The following CLSTN1 variants were observed in gnomAD, a reference collection of about 807,000 sequenced individuals.
CLSTN1 encodes calsyntenin 1.
Under a neutral mutation model 108.3 loss-of-function variants are expected in CLSTN1, and 28 were observed. The ratio of observed to expected loss-of-function variants is 0.26; its 90% CI spans 0.19 to 0.35. The LOEUF (loss-of-function observed/expected upper bound fraction) is 0.35. Ranked by LOEUF, CLSTN1 falls within the 10% of genes least tolerant of loss-of-function variation. CLSTN1 has a pLI of 1.00. For missense variants in CLSTN1, 1,157 were observed against 1,302.6 expected, an observed-to-expected ratio of 0.89 and a Z score of 1.72; for synonymous variants, 524 against 534.9, an observed-to-expected ratio of 0.98 and a Z score of 0.28.
chr1:9,788,962 C>T (rs981232785), intron 1 of CLSTN1, among the ~76,000 whole-genome samples: 2 of 151,036 alleles, frequency 1.3e-5, no homozygotes, highest in Non-Finnish European at 2.9e-5. Flanking sequence ...TAACTGGCTT[C>T]ATTAGCATAA....
intron 2 of CLSTN1, among the ~76,000 whole-genome samples, chr1:9,766,677 T>C (rs919728721): frequency 6.6e-6 from 1 of 152,056 alleles, no homozygotes; most frequent in African/African-American, 2.4e-5. Context: ...AATAGATAAA[T>C]AATAAAATAC....
intron 1 of CLSTN1, among the ~76,000 whole-genome samples, chr1:9,816,292 T>A (rs1654967243): frequency 1.3e-5 from 2 of 152,238 alleles, no homozygotes; most frequent in South Asian, 2.1e-4. Context: ...ATGTGAAATG[T>A]CCAAAATAAG....
rs199876158 is a variant in CLSTN1, at chr1:9,735,969, C to T, written c.1650G>A (p.Ala550=). The part of the protein sequence containing the change: ...AGLTLRSGKL[A]DKKVIDCLYT... ...ACAGACAGTCGATCACCTTCTTATC[C>T]GCGAGTTTCCCGGAACGGAGAGTTA... Residue 550 remains alanine, a synonymous_variant, in exon 12 of 19, where the codon GCG becomes GCA. Coordinates refer to ENST00000377298, the MANE Select transcript of CLSTN1 (RefSeq NM_001009566.3). 2.0e-5 allele frequency: 32 copies of T among 1,614,046 alleles called. No individual in the cohort carries two copies. The highest frequency in any genetic ancestry group is 2.7e-5 in the African/African-American group (2 of 74,922).
chr1:9,732,751 G>A (rs1040118464), intron 16 of CLSTN1, among the ~76,000 whole-genome samples: 5 of 152,222 alleles, frequency 3.3e-5, no homozygotes, highest in Admixed American at 3.3e-4. Context: ...ACCAGCGCCA[G>A]CCTCAGCAGC....
In CLSTN1 at chr1:9,730,307, T is replaced by C. The variant is rs1650282225; in HGVS notation, c.*201A>G. The C allele has an allele frequency of 1.6e-6, 1 of 620,724 alleles. No individual in the cohort carries two copies. Among genetic ancestry groups the C allele is most frequent in the African/African-American group, 1.8e-5 (1 of 54,836 alleles). The allele number at this position is 620,724 out of a possible 1,614,324, so 38.5% of individuals were successfully genotyped here. ...CCAGAGAGGACGTGTCAGCTCCTCGTGGGACTGAAGAGCGCGACCAGGCAG... is the reference window on the plus strand; with the variant it reads ...CCAGAGAGGACGTGTCAGCTCCTCGCGGGACTGAAGAGCGCGACCAGGCAG... On this transcript the variant is annotated 3_prime_UTR_variant, in exon 19 of 19. Transcript: ENST00000377298. This position sits in a 1 kb window ranked among gnomAD's most constrained non-coding sequence, Gnocchi z 5.6.
intron 2 of CLSTN1, among the ~76,000 whole-genome samples, chr1:9,760,892 C>T (rs1570462128): frequency 6.6e-6 from 1 of 151,852 alleles, no homozygotes; most frequent in African/African-American, 2.4e-5. Context: ...CTCCACCACT[C>T]GCTATCCTAA....
rs78212277 is a variant in CLSTN1 at position 9,748,423 on chromosome 1, T to C, written c.985+1038A>G. Among the ~76,000 whole-genome samples, 844 of 152,374 alleles carry C rather than the reference T, an allele frequency of 5.5e-3. 1 individual carries two copies. The highest frequency in any genetic ancestry group is 9.7e-3 in the Non-Finnish European group (657 of 68,040). On this transcript the variant is annotated intron_variant, in intron 7 of 18. Coordinates refer to ENST00000377298, the MANE Select transcript of CLSTN1 (RefSeq NM_001009566.3). ...AAATCTATTGAGATTCTAAGTTAGATGTGGCTATCTTTAGTTCTGATTTTC... is the reference window on the plus strand; with the variant it reads ...AAATCTATTGAGATTCTAAGTTAGACGTGGCTATCTTTAGTTCTGATTTTC...
intron 1 of CLSTN1, among the ~76,000 whole-genome samples, chr1:9,814,146 A>G (rs898678482): frequency 2.0e-5 from 3 of 150,730 alleles, no homozygotes; most frequent in Non-Finnish European, 3.0e-5. Flanking sequence ...ATGGTGGCTC[A>G]TGCTTGTAAT....
intron 2 of CLSTN1, among the ~76,000 whole-genome samples, chr1:9,758,437 C>T (rs920360704): frequency 6.6e-6 from 1 of 152,110 alleles, no homozygotes; most frequent in Non-Finnish European, 1.5e-5. Flanking sequence ...CCTCAGCCTC[C>T]CAAGCAGCTG....
Position 9,744,630 on chromosome 1 carries a change from G to T in CLSTN1, c.999C>A (p.Gly333=). Residue 333 remains glycine, a synonymous_variant, in exon 8 of 19, where the codon GGC becomes GGA. Coordinates refer to ENST00000377298, the MANE Select transcript of CLSTN1 (RefSeq NM_001009566.3). ...TCGGGGATGGCAGCAGCTCGGCAGT[G>T]CCCGCGGCCGCACCTGAAGCCACAG... ...SLHRLCGAAA[G]TAELLPSPSG... The T allele has an allele frequency of 6.2e-7, 1 of 1,609,600 alleles. No homozygotes were observed. Among genetic ancestry groups the T allele is most frequent in the Non-Finnish European group, 8.5e-7 (1 of 1,179,414 alleles).
At chr1:9,786,645 T>G (rs1312519719) in intron 1 of CLSTN1, among the ~76,000 whole-genome samples, 4 of 88,844 alleles carry the variant, frequency 4.5e-5, no homozygotes, top group Non-Finnish European at 7.5e-5. Context: ...TGAGACTCCG[T>G]CTCAAAAAAA....
At chr1:9,778,002 C>T (rs1234970627) in intron 1 of CLSTN1, among the ~76,000 whole-genome samples, 3 of 152,008 alleles carry the variant, frequency 2.0e-5, no homozygotes, top group Non-Finnish European at 4.4e-5. Context: ...GCACTGGAGC[C>T]CAGTGCCCAA....
At chr1:9,773,515 T>C (rs1254689050) in intron 1 of CLSTN1, 121 bp from the exon 2 acceptor site, 14 of 1,097,128 alleles carry the variant, frequency 1.3e-5, no homozygotes, top group Non-Finnish European at 8.7e-6. Flanking sequence ...TTGAAGACAG[T>C]GCTCACAGTT....
chr1:9,777,217 CAAAA>C (rs1183664020), intron 1 of CLSTN1, among the ~76,000 whole-genome samples: 2 of 51,168 alleles, frequency 3.9e-5, no homozygotes, highest in Non-Finnish European at 7.6e-5. Context: ...GAGACTGTCT[CAAAA>C]AAAAAAAAAA....
intron 10 of CLSTN1, among the ~76,000 whole-genome samples, chr1:9,740,584 G>C (rs992653407): frequency 1.3e-5 from 2 of 152,160 alleles, no homozygotes; most frequent in African/African-American, 4.8e-5. Context: ...TCCCCTCTCA[G>C]CAGAGACTTC....
intron 5 of CLSTN1, among the ~76,000 whole-genome samples, chr1:9,750,715 C>CAAAAAAAAAAAAAAAAAAA: frequency 1.3e-5 from 1 of 77,168 alleles, no homozygotes; most frequent in Non-Finnish European, 2.9e-5. Context: ...TTCCCTCAAA[C>CAAAAAAAAAAAAAAAAAAA]AAAAAAAAAA....
rs1650574857 is a variant in CLSTN1 at position 9,734,472 on chromosome 1, G to A, written c.2111-330C>T. The stretch of plus-strand genomic sequence containing the variant: ...TCCCTGTAATCCCAGCTATTCGGGA[G>A]GCTGAGGCAGGAGAATCGCTTGAAC... On this transcript the variant is annotated intron_variant, in intron 14 of 18. Coordinates refer to ENST00000377298, the MANE Select transcript of CLSTN1 (RefSeq NM_001009566.3). The surrounding 1 kb of genome is among the most constrained non-coding windows in gnomAD (Gnocchi z 4.8). Among the ~76,000 whole-genome samples, 3 of 152,024 alleles carry A rather than the reference G, an allele frequency of 2.0e-5. No individual in the cohort carries two copies. Among genetic ancestry groups the A allele is most frequent in the Non-Finnish European group, 4.4e-5 (3 of 68,022 alleles).
chr1:9,762,613 C>A (rs544626429), intron 2 of CLSTN1, among the ~76,000 whole-genome samples: 1 of 150,990 alleles, frequency 6.6e-6, no homozygotes, highest in Non-Finnish European at 1.5e-5. Context: ...GGCCTTGGTG[C>A]CCGCACTCAA....
At chr1:9,809,107 C>G (rs755692739) in intron 1 of CLSTN1, among the ~76,000 whole-genome samples, 11 of 152,204 alleles carry the variant, frequency 7.2e-5, no homozygotes, top group Non-Finnish European at 1.5e-4. Context: ...AACAATGGCC[C>G]TCCAGGCTCT....
Sources: gnomAD v4.1 joint callset for allele counts (sites outside exome capture counted in the v4.1 genomes callset) on GRCh38, gnomAD v4.1.1 for gene constraint, Gnocchi (gnomAD v3.1) non-coding constraint, MANE v1.5 for transcripts, NCBI Gene and HGNC (gene_info 2026-07-23, HGNC 2026-07-21) for gene names.